Variants in ARHGAP20 observed in about 807,000 individuals in gnomAD.
ARHGAP20 encodes Rho GTPase activating protein 20.
ARHGAP20 carries 34 observed loss-of-function variants against 73.7 expected under a neutral mutation model. That is an observed-to-expected ratio of 0.46 (90% CI 0.35 to 0.61). The LOEUF (loss-of-function observed/expected upper bound fraction) is 0.61, where lower values mean the gene tolerates loss of function less well. Ranked by LOEUF, ARHGAP20 falls within the 20% of genes least tolerant of loss-of-function variation. The probability of loss-of-function intolerance (pLI) is 0.00; values close to 1 mark genes in which losing one functional copy is unlikely to be tolerated. For missense variants in ARHGAP20, 1,314 were observed against 1,420.9 expected, an observed-to-expected ratio of 0.92 and a Z score of 1.21; for synonymous variants, 523 against 518.2, an observed-to-expected ratio of 1.01 and a Z score of -0.13.
chr11:110,641,110 T>C (rs1949069095), intron 2 of ARHGAP20, among the ~76,000 whole-genome samples: 1 of 152,030 alleles, frequency 6.6e-6, no homozygotes, highest in African/African-American at 2.4e-5. Flanking sequence ...TTTTAAATTA[T>C]CAAGATGCTG....
chr11:110,609,199 C>A, intron 7 of ARHGAP20, 149 bp from the exon 8 acceptor site: 1 of 656,388 alleles, frequency 1.5e-6, no homozygotes, highest in South Asian at 1.9e-5. Flanking sequence ...GGAATCAGGC[C>A]TTCACTATAT....
intron 2 of ARHGAP20, among the ~76,000 whole-genome samples, chr11:110,650,515 C>T (rs901622487): frequency 2.6e-5 from 4 of 152,116 alleles, no homozygotes; most frequent in African/African-American, 9.7e-5. Context: ...AAGTAACTAA[C>T]TCTCTTGAGT....
At chr11:110,710,338 C>T (rs920317352) in intron 1 of ARHGAP20, among the ~76,000 whole-genome samples, 3 of 151,648 alleles carry the variant, frequency 2.0e-5, no homozygotes, top group Admixed American at 2.0e-4. Flanking sequence ...GGGAAAAGAG[C>T]GAAGCAACCC....
Position 110,602,232 on chromosome 11 carries a change from T to A in ARHGAP20, c.964+4329A>T, listed in dbSNP as rs935180224. ...AGGATACCACAACATCTTTTTTTTT[T>A]ATTACTTATTATGTAAAAACAATAA... is the stretch of plus-strand genomic sequence containing the variant. On this transcript the variant is annotated intron_variant, in intron 9 of 14. Coordinates refer to ENST00000683387, the MANE Select transcript of ARHGAP20 (RefSeq NM_001384657.1). 3.3e-5 allele frequency among the ~76,000 whole-genome samples: 5 copies of A among 152,062 alleles called. No individual in the cohort carries two copies. In the East Asian group the frequency reaches 7.7e-4, roughly 24 times the overall value.
intron 1 of ARHGAP20, among the ~76,000 whole-genome samples, chr11:110,700,977 T>C (rs1381929185): frequency 2.0e-5 from 3 of 151,248 alleles, no homozygotes; most frequent in Admixed American, 6.6e-5. Flanking sequence ...ATTTTCTTAA[T>C]CCAGTCTATC....
intron 7 of ARHGAP20, 76 bp from the exon 8 acceptor site, chr11:110,609,126 T>TTTGGTTATG: frequency 8.4e-7 from 1 of 1,185,714 alleles, no homozygotes; most frequent in Non-Finnish European, 1.2e-6. Context: ...TTTTTTTTTT[T>TTTGGTTATG]TGGTTATGTG....
Position 110,578,158 on chromosome 11 carries a change from G to A in ARHGAP20, c.*1212C>T. 4 of 985,406 alleles carry A rather than the reference G, an allele frequency of 4.1e-6. No individual in the cohort carries two copies. Among genetic ancestry groups the A allele is most frequent in the Non-Finnish European group, 4.8e-6 (4 of 829,948 alleles). 61.0% of individuals were successfully genotyped at this position (985,406 alleles called of 1,614,324 possible). ...TAAGTCAAGAAAGCAGAGAAAGAAAGGTCCATGGATATAAAATAAACCAAT... is the reference window on the plus strand; with the variant it reads ...TAAGTCAAGAAAGCAGAGAAAGAAAAGTCCATGGATATAAAATAAACCAAT... On this transcript the variant is annotated 3_prime_UTR_variant, in exon 15 of 15. Coordinates refer to ENST00000683387, the MANE Select transcript of ARHGAP20 (RefSeq NM_001384657.1).
chr11:110,642,443 T>C (rs921135961), intron 2 of ARHGAP20, among the ~76,000 whole-genome samples: 1 of 152,134 alleles, frequency 6.6e-6, no homozygotes, highest in African/African-American at 2.4e-5. Context: ...ACAGCTCTTA[T>C]TATTTGAGAT....
chr11:110,695,074 A>G (rs998469122), intron 1 of ARHGAP20, among the ~76,000 whole-genome samples: 2 of 151,694 alleles, frequency 1.3e-5, no homozygotes, highest in African/African-American at 4.8e-5. Context: ...GCTACATAGT[A>G]AACATCTGCC....
chr11:110,608,949 A>G (rs1591312597), intron 8 of ARHGAP20, 35 bp downstream of exon 8: 2 of 1,564,650 alleles, frequency 1.3e-6, no homozygotes, highest in East Asian at 4.5e-5. Context: ...ATTAAAACAC[A>G]ATCAATGCTA....
chr11:110,615,092 G>A (rs192891166), intron 5 of ARHGAP20, among the ~76,000 whole-genome samples: 45 of 152,284 alleles, frequency 3.0e-4, no homozygotes, highest in African/African-American at 1.0e-3. Flanking sequence ...GAGGACAGGA[G>A]GGAGGGAAGG....
chr11:110,625,011 TTTTTTTTTATTTTTA>T (rs1243551031), intron 3 of ARHGAP20, among the ~76,000 whole-genome samples: 1 of 104,262 alleles, frequency 9.6e-6, no homozygotes, highest in African/African-American at 5.4e-5. Flanking sequence ...CAGGATTTAT[TTTTTTTTTATTTTTA>T]TTTTTATTTT....
At chr11:110,688,997 T>C (rs1202356738) in intron 2 of ARHGAP20, among the ~76,000 whole-genome samples, 2 of 138,890 alleles carry the variant, frequency 1.4e-5, no homozygotes, top group Non-Finnish European at 1.5e-5. Flanking sequence ...TACTTTCATA[T>C]AGTTTTTTTT....
chr11:110,648,627 G>T (rs559613967), intron 2 of ARHGAP20, among the ~76,000 whole-genome samples: 2 of 151,804 alleles, frequency 1.3e-5, no homozygotes, highest in South Asian at 4.2e-4. Context: ...TGGGATTACA[G>T]GTGTGCACCA....
chr11:110,646,404 G>A (rs980311766), intron 2 of ARHGAP20, among the ~76,000 whole-genome samples: 2 of 152,042 alleles, frequency 1.3e-5, no homozygotes, highest in Non-Finnish European at 2.9e-5. Context: ...GGATAAGGAG[G>A]AACCACATAA....
chr11:110,669,626 A>C (rs1409683853), intron 2 of ARHGAP20, among the ~76,000 whole-genome samples: 1 of 152,208 alleles, frequency 6.6e-6, no homozygotes, highest in Admixed American at 6.5e-5. Flanking sequence ...AAGAATGCAC[A>C]CATAGAATAC....
intron 12 of ARHGAP20, among the ~76,000 whole-genome samples, chr11:110,584,715 T>C (rs901367994): frequency 3.9e-5 from 6 of 152,078 alleles, no homozygotes; most frequent in Admixed American, 3.3e-4. Flanking sequence ...CTGATAGCAG[T>C]GCATCTAATA....
intron 1 of ARHGAP20, among the ~76,000 whole-genome samples, chr11:110,700,338 A>G (rs1046531219): frequency 6.6e-6 from 1 of 152,038 alleles, no homozygotes; most frequent in Non-Finnish European, 1.5e-5. Context: ...AAGCTTTTAT[A>G]GAACTCTAAA....
chr11:110,600,895 T>G (rs1339005430), intron 9 of ARHGAP20, among the ~76,000 whole-genome samples: 1 of 152,228 alleles, frequency 6.6e-6, no homozygotes, highest in African/African-American at 2.4e-5. Flanking sequence ...GTTTTCAGTG[T>G]AAGGCTATTT....
Sources: gnomAD v4.1 joint callset for allele counts (sites outside exome capture counted in the v4.1 genomes callset) on GRCh38, gnomAD v4.1.1 for gene constraint, MANE v1.5 for transcripts, NCBI Gene and HGNC (gene_info 2026-07-23, HGNC 2026-07-21) for gene names.